SYNPR: variants seen among roughly 807,000 people sequenced by gnomAD.
SYNPR encodes the protein synaptoporin.
Under a neutral mutation model 32.9 loss-of-function variants are expected in SYNPR, and 23 were observed. The observed-to-expected ratio is 0.70, with a 90% CI of 0.50 to 0.99. SYNPR has a LOEUF of 0.99. SYNPR is among the 50% of genes least tolerant of loss of function. The probability of loss-of-function intolerance (pLI) is 0.00; values close to 1 mark genes in which losing one functional copy is unlikely to be tolerated. For missense variants in SYNPR, 318 were observed against 349.3 expected (o/e 0.91, Z 0.71); for synonymous variants, 146 against 135.9 (o/e 1.07, Z -0.52).
intron 4 of SYNPR, among the ~76,000 whole-genome samples, chr3:63,593,356 AG>A (rs1699876516): frequency 6.6e-6 from 1 of 152,162 alleles, no homozygotes; most frequent in Non-Finnish European, 1.5e-5. Context: ...GATTTACGAC[AG>A]TATTGCAGAA....
intron 4 of SYNPR, among the ~76,000 whole-genome samples, chr3:63,586,858 A>G (rs1187445250): frequency 6.6e-6 from 1 of 151,982 alleles, no homozygotes; most frequent in Non-Finnish European, 1.5e-5. Flanking sequence ...TTAATGGCTC[A>G]TTCTCCTACG....
chr3:63,399,186 G>A (rs1235320610), intron 2 of SYNPR, among the ~76,000 whole-genome samples: 2 of 152,166 alleles, frequency 1.3e-5, no homozygotes, highest in African/African-American at 4.8e-5. Context: ...TCCTGCAAGA[G>A]GCCATCTGAT....
chr3:63,428,413 T>C (rs79664067), intron 2 of SYNPR, among the ~76,000 whole-genome samples: 2,489 of 152,360 alleles, frequency 0.016, 62 homozygotes, highest in African/African-American at 0.057. Flanking sequence ...TTATTGTATG[T>C]TCACTGTATG....
rs115392763 is a variant in SYNPR at position 63,246,937 on chromosome 3, T to A, written n.67-5562T>A. Among the ~76,000 whole-genome samples, 387 of 152,196 alleles carry A rather than the reference T, an allele frequency of 2.5e-3. 6 individuals are homozygous for A. The highest frequency in any genetic ancestry group is 8.7e-3 in the African/African-American group (362 of 41,544). On this transcript the variant is annotated intron_variant and non_coding_transcript_variant, in intron 1 of 4. Transcript: ENST00000478456. ...GCATTATCGTAAACATTAAATGACA[T>A]AGTATAGGCAAAAAGTTTAGCATAT...
chr3:63,335,276 C>A (rs1348502841), intron 2 of SYNPR, among the ~76,000 whole-genome samples: 1 of 150,380 alleles, frequency 6.6e-6, no homozygotes, highest in Non-Finnish European at 1.5e-5. Flanking sequence ...TGGAGTGAAC[C>A]CGGGAGGCGG....
intron 2 of SYNPR, among the ~76,000 whole-genome samples, chr3:63,300,052 G>A (rs1473097456): frequency 6.6e-6 from 1 of 152,012 alleles, no homozygotes; most frequent in Non-Finnish European, 1.5e-5. Flanking sequence ...TTACAGAACT[G>A]GGATGTGTTA....
intron 2 of SYNPR, among the ~76,000 whole-genome samples, chr3:63,293,597 C>G (rs1382441839): frequency 1.3e-5 from 2 of 152,152 alleles, no homozygotes; most frequent in African/African-American, 4.8e-5. Flanking sequence ...AATGTATTTT[C>G]TCACAGTTCT....
chr3:63,608,774 G>A (rs1358179423), intron 4 of SYNPR, among the ~76,000 whole-genome samples: 1 of 152,142 alleles, frequency 6.6e-6, no homozygotes. Flanking sequence ...TCTCAGACAA[G>A]CTATTCAACC....
chr3:63,335,621 T>C (rs2087282217), intron 2 of SYNPR, among the ~76,000 whole-genome samples: 2 of 152,124 alleles, frequency 1.3e-5, no homozygotes. Flanking sequence ...AACCAAGGTA[T>C]TCGCTTGGCA....
intron 2 of SYNPR, among the ~76,000 whole-genome samples, chr3:63,408,448 T>C (rs1433533355): frequency 6.6e-6 from 1 of 152,090 alleles, no homozygotes; most frequent in African/African-American, 2.4e-5. Context: ...TTCCACAGCA[T>C]GCCATCTGCA....
intron 3 of SYNPR, among the ~76,000 whole-genome samples, chr3:63,521,627 C>T (rs755369082): frequency 6.6e-6 from 1 of 152,172 alleles, no homozygotes; most frequent in Non-Finnish European, 1.5e-5. Flanking sequence ...TCTTGGATCC[C>T]TCACAAAGTG....
At chr3:63,340,138 C>A (rs1475837369) in intron 2 of SYNPR, among the ~76,000 whole-genome samples, 1 of 152,034 alleles carries the variant, frequency 6.6e-6, no homozygotes, top group East Asian at 1.9e-4. Context: ...TCAGATCTAT[C>A]CAAGTTATTT....
intron 2 of SYNPR, among the ~76,000 whole-genome samples, chr3:63,360,310 C>T (rs148531020): frequency 6.6e-6 from 1 of 152,254 alleles, no homozygotes; most frequent in East Asian, 1.9e-4. Flanking sequence ...ATTCTGACCA[C>T]TGCTCACCTC....
chr3:63,292,919 G>T (rs138922291), intron 2 of SYNPR, among the ~76,000 whole-genome samples: 1 of 152,178 alleles, frequency 6.6e-6, no homozygotes, highest in Non-Finnish European at 1.5e-5. Flanking sequence ...AGAATGATTA[G>T]ACCAGAGTGT....
chr3:63,366,610 A>C (rs2087732041), intron 2 of SYNPR, among the ~76,000 whole-genome samples: 2 of 152,320 alleles, frequency 1.3e-5, no homozygotes, highest in South Asian at 4.1e-4. Context: ...TCTTGCTGAC[A>C]GGTCACCAAT....
At chr3:63,593,892 C>G (rs980539369) in intron 4 of SYNPR, among the ~76,000 whole-genome samples, 27 of 152,042 alleles carry the variant, frequency 1.8e-4, no homozygotes, top group African/African-American at 6.5e-4. Flanking sequence ...GGCTGGTCTC[C>G]CCCACTCTCT....
intron 2 of SYNPR, among the ~76,000 whole-genome samples, chr3:63,359,937 CAG>C (rs2087634108): frequency 6.6e-6 from 1 of 152,120 alleles, no homozygotes; most frequent in Non-Finnish European, 1.5e-5. Context: ...GAAATAGACT[CAG>C]AAAGAATCAG....
At chr3:63,255,855 C>T (rs533060426) in intron 2 of SYNPR, among the ~76,000 whole-genome samples, 5 of 152,280 alleles carry the variant, frequency 3.3e-5, no homozygotes, top group African/African-American at 7.2e-5. Context: ...CCTGGAAAAC[C>T]GGGTCACTCC....
chr3:63,350,877 A>G (rs2087498472), intron 2 of SYNPR, among the ~76,000 whole-genome samples: 1 of 152,068 alleles, frequency 6.6e-6, no homozygotes. Flanking sequence ...TCAGTTAGTG[A>G]CTTCTCGACC....
Sources: allele counts gnomAD v4.1 joint callset (sites outside exome capture counted in the v4.1 genomes callset), GRCh38; gene constraint gnomAD v4.1.1; transcripts MANE v1.5; gene names NCBI Gene and HGNC (gene_info 2026-07-23, HGNC 2026-07-21).